The following PTPN9 variants were observed in gnomAD, a reference collection of about 807,000 sequenced individuals.
PTPN9 encodes the protein tyrosine-protein phosphatase non-receptor type 9.
In PTPN9, 26 loss-of-function variants were observed where a neutral mutation model predicts 69.8. That is an observed-to-expected ratio of 0.37 (90% CI 0.27 to 0.52). The LOEUF is 0.52. Ranked by LOEUF, PTPN9 falls within the 20% of genes least tolerant of loss-of-function variation. The probability of loss-of-function intolerance (pLI) is 0.91; values close to 1 mark genes in which losing one functional copy is unlikely to be tolerated. For missense variants in PTPN9, 549 were observed against 740.3 expected (o/e 0.74, Z 3.00); for synonymous variants, 274 against 272.5 (o/e 1.01, Z -0.05).
rs771890256 is a variant in PTPN9, at chr15:75,524,291, C to T, written c.215G>A (p.Arg72Gln). ...IELFHSYRET[R>Q]RKEGIVKLKP... Reference sequence around the variant, plus strand: ...CAGCTTTACAATGCCTTCCTTCCTTCGAGTTTCCTAAAAAGGAAGCACAGC... The same window carrying T: ...CAGCTTTACAATGCCTTCCTTCCTTTGAGTTTCCTAAAAAGGAAGCACAGC... The change falls in exon 3 of 13, where the codon CGA becomes CAA. Residue 72 changes from arginine (R) to glutamine (Q), a missense_variant. This residue lies in a region of PTPN9 where 457 missense variants were observed against 661.9 expected (regional missense o/e 0.69). Transcript: ENST00000618819. 1.9e-6 allele frequency: 3 copies of T among 1,608,532 alleles called. No homozygotes were observed. Among genetic ancestry groups the T allele is most frequent in the South Asian group, 1.1e-5 (1 of 90,900 alleles).
chr15:75,527,907 G>A (rs556619517), intron 1 of PTPN9, among the ~76,000 whole-genome samples: 1 of 152,084 alleles, frequency 6.6e-6, no homozygotes, highest in South Asian at 2.1e-4. Flanking sequence ...AAAGTGGCCA[G>A]GCCTTCCGAA....
At chr15:75,533,619 C>T (rs1169661560) in intron 1 of PTPN9, among the ~76,000 whole-genome samples, 1 of 152,120 alleles carries the variant, frequency 6.6e-6, no homozygotes, top group Admixed American at 6.6e-5. Flanking sequence ...TCTACTTCTC[C>T]CACAACCATG....
chr15:75,575,486 A>G (rs2075167923), intron 1 of PTPN9, among the ~76,000 whole-genome samples: 1 of 152,194 alleles, frequency 6.6e-6, no homozygotes, highest in South Asian at 2.1e-4. Context: ...AAGCTTCTAA[A>G]TCAACTCCAA....
At position 75,479,928 on chromosome 15, in the gene PTPN9, G is replaced by C. The variant is rs770197001; in HGVS notation, c.1063-14C>G. Reference sequence around the variant, plus strand: ...GATGTAATCTGTCTAATGATAAAAAGGAGACATCACTATAGCTACACAGAA... The same window carrying C: ...GATGTAATCTGTCTAATGATAAAAACGAGACATCACTATAGCTACACAGAA... On this transcript the variant is annotated splice_polypyrimidine_tract_variant and intron_variant, in intron 8 of 12. Transcript: ENST00000618819. The C allele has an allele frequency of 6.3e-6, 10 of 1,576,122 alleles. No individual in the cohort carries two copies. In the Admixed American group the frequency reaches 8.7e-5, roughly 14 times the overall value.
intron 1 of PTPN9, among the ~76,000 whole-genome samples, chr15:75,574,941 T>A (rs1273394840): frequency 3.3e-4 from 18 of 54,216 alleles, no homozygotes; most frequent in African/African-American, 7.4e-4. Flanking sequence ...AAACTCTGTC[T>A]CAAAAAAAAA....
chr15:75,564,482 G>C (rs1242899431), intron 1 of PTPN9, among the ~76,000 whole-genome samples: 1 of 151,732 alleles, frequency 6.6e-6, no homozygotes, highest in Non-Finnish European at 1.5e-5. Flanking sequence ...TGTAGTCCCA[G>C]CTACTCGGGA....
chr15:75,537,834 G>A (rs377310006), intron 1 of PTPN9, among the ~76,000 whole-genome samples: 20 of 149,794 alleles, frequency 1.3e-4, no homozygotes, highest in East Asian at 3.9e-4. Context: ...CAAGGCAGGC[G>A]GATCACCTGA....
intron 8 of PTPN9, among the ~76,000 whole-genome samples, chr15:75,482,566 A>G (rs1431183970): frequency 4.1e-5 from 2 of 49,256 alleles, no homozygotes; most frequent in East Asian, 3.6e-4. Flanking sequence ...CTCCGTCTCA[A>G]AAAAAAAAAA....
chr15:75,497,434 A>G (rs2074748859), intron 7 of PTPN9, among the ~76,000 whole-genome samples: 1 of 152,140 alleles, frequency 6.6e-6, no homozygotes, highest in South Asian at 2.1e-4. Flanking sequence ...TAAGGCTGCC[A>G]TAAGCTATGA....
intron 7 of PTPN9, among the ~76,000 whole-genome samples, chr15:75,501,141 T>C (rs1335685779): frequency 6.6e-6 from 1 of 152,128 alleles, no homozygotes; most frequent in Non-Finnish European, 1.5e-5. Flanking sequence ...CCCAACTCAT[T>C]ATTTTCCCTC....
chr15:75,568,928 G>C (rs544943908), intron 1 of PTPN9, among the ~76,000 whole-genome samples: 1 of 152,092 alleles, frequency 6.6e-6, no homozygotes, highest in Non-Finnish European at 1.5e-5. Context: ...GATATAAAAG[G>C]GCTGATGCCA....
intron 8 of PTPN9, among the ~76,000 whole-genome samples, chr15:75,481,169 T>C (rs2074631448): frequency 1.3e-5 from 1 of 76,746 alleles, no homozygotes; most frequent in Non-Finnish European, 2.5e-5. Flanking sequence ...CGAGACCCCC[T>C]CTGGGAGGTG....
Position 75,490,211 on chromosome 15 carries a change from A to G in PTPN9, c.1059T>C (p.Thr353=). ...AAGATTACATTTATCTGTCTACCTG[A>G]GTATGGCCACTTCGCTTTGTTAGCT... ...RVKLTKRSGH[T]QTDYINASFM... Residue 353 remains threonine (T), a synonymous_variant, in exon 8 of 13, where the codon ACT becomes ACC. Transcript: ENST00000618819. 1 of 1,604,340 alleles carries G rather than the reference A, an allele frequency of 6.2e-7. No individual in the cohort carries two copies. Among genetic ancestry groups the G allele is most frequent in the Non-Finnish European group, 8.5e-7 (1 of 1,171,042 alleles).
Position 75,470,784 on chromosome 15 carries a change from C to G in PTPN9, c.1255G>C (p.Glu419Gln). The G allele has an allele frequency of 6.2e-7, 1 of 1,614,234 alleles. No individual in the cohort carries two copies. The highest frequency in any genetic ancestry group is 8.5e-7 in the Non-Finnish European group (1 of 1,180,032). Residue 419 changes from glutamate to glutamine, a missense_variant, in exon 11 of 13, where the codon GAA becomes CAA. Coordinates refer to ENST00000618819, the MANE Select transcript of PTPN9 (RefSeq NM_002833.4). ...CCAAATCGGATCCGAGAGTCTTTTT[C>G]TAAAGGCCAGTACTGGCCACACTTT... ...RRKCGQYWPL[E>Q]KDSRIRFGFL...
intron 1 of PTPN9, among the ~76,000 whole-genome samples, chr15:75,550,433 T>C (rs1394443562): frequency 6.7e-6 from 1 of 149,584 alleles, no homozygotes; most frequent in Non-Finnish European, 1.5e-5. Context: ...CCCAAAGTGC[T>C]GGGATTACAG....
At chr15:75,514,103 A>C (rs1397647258) in intron 5 of PTPN9, among the ~76,000 whole-genome samples, 1 of 149,030 alleles carries the variant, frequency 6.7e-6, no homozygotes, top group Non-Finnish European at 1.5e-5. Flanking sequence ...TCTGTCTCAA[A>C]AAAAAAAAAA....
rs183713550 is a variant in PTPN9, at chr15:75,524,070, C to T, written c.297+139G>A. The T allele has an allele frequency of 2.7e-5, 9 of 339,020 alleles. No homozygotes were observed. The East Asian group carries it at 3.8e-4, about 14-fold the overall frequency. The allele number at this position is 339,020 out of a possible 1,614,324, so 21.0% of individuals were successfully genotyped here. The stretch of plus-strand genomic sequence containing the variant: ...TGTATACATATGTAACAAACCTGCA[C>T]GTTGTGCACATGTACCCTAAAACTT... On this transcript the variant is annotated intron_variant, in intron 3 of 12. Coordinates refer to ENST00000618819, the MANE Select transcript of PTPN9 (RefSeq NM_002833.4).
intron 7 of PTPN9, among the ~76,000 whole-genome samples, chr15:75,498,285 AATTTTTTTAC>A (rs1485094980): frequency 6.6e-6 from 1 of 152,126 alleles, no homozygotes; most frequent in African/African-American, 2.4e-5. Context: ...GTATGTATGT[AATTTTTTTAC>A]ATTTTATGTA....
At chr15:75,499,538 T>C (rs2074762023) in intron 7 of PTPN9, among the ~76,000 whole-genome samples, 1 of 150,938 alleles carries the variant, frequency 6.6e-6, no homozygotes, top group Admixed American at 6.6e-5. Flanking sequence ...CCCAAGTAGC[T>C]GGGACTACAG....
Sources: gnomAD v4.1 joint callset for allele counts (sites outside exome capture counted in the v4.1 genomes callset) on GRCh38, gnomAD v4.1.1 for gene constraint, gnomAD v4.1.1 regional missense constraint, MANE v1.5 for transcripts, NCBI Gene and HGNC (gene_info 2026-07-23, HGNC 2026-07-21) for gene names.